The following EPHA3 variants were observed in gnomAD, a reference collection of about 807,000 sequenced individuals.
EPHA3 encodes the protein ephrin type-A receptor 3.
EPHA3 carries 42 observed loss-of-function variants against 107.1 expected under a neutral mutation model. The ratio of observed to expected loss-of-function variants is 0.39; its 90% CI spans 0.31 to 0.51. The LOEUF (loss-of-function observed/expected upper bound fraction) is 0.51. Among genes scored for constraint, EPHA3 ranks in the 20% least tolerant of loss-of-function variants. EPHA3 has a pLI of 0.78. For missense variants in EPHA3, 1,183 were observed against 1,211.2 expected, an observed-to-expected ratio of 0.98 and a Z score of 0.35; for synonymous variants, 461 against 424.8, an observed-to-expected ratio of 1.09 and a Z score of -1.05.
Position 89,341,699 on chromosome 3 carries a change from C to T in EPHA3, c.971-56C>T, listed in dbSNP as rs184925715. The stretch of plus-strand genomic sequence containing the variant: ...AGTTCCATTGTAAATTATCTATTTC[C>T]CTTGTAGTAGAAAACAGAAGTGAGG... On this transcript the variant is annotated intron_variant, in intron 4 of 16. Coordinates refer to ENST00000336596, the MANE Select transcript of EPHA3 (RefSeq NM_005233.6). The T allele has an allele frequency of 5.3e-4, 717 of 1,350,878 alleles. 2 individuals carry two copies. The East Asian group carries it at 8.0e-3, about 15-fold the overall frequency. The allele number at this position is 1,350,878 out of a possible 1,614,324, so 83.7% of individuals were successfully genotyped here. A position where few individuals can be genotyped will look rare whatever the true frequency, so the allele number is the denominator to read the frequency against.
intron 2 of EPHA3, among the ~76,000 whole-genome samples, chr3:89,157,153 A>C (rs1704826155): frequency 6.6e-6 from 1 of 152,104 alleles, no homozygotes; most frequent in Admixed American, 6.6e-5. Context: ...GAAAGAAGCC[A>C]GGATGCTATG....
intron 3 of EPHA3, among the ~76,000 whole-genome samples, chr3:89,242,484 C>G (rs562935870): frequency 2.6e-5 from 4 of 152,324 alleles, no homozygotes; most frequent in African/African-American, 9.6e-5. Context: ...GTCGCCCAGG[C>G]TGCAGTGCAG....
At chr3:89,113,016 G>C (rs1441233023) in intron 1 of EPHA3, among the ~76,000 whole-genome samples, 1 of 152,034 alleles carries the variant, frequency 6.6e-6, no homozygotes, top group Non-Finnish European at 1.5e-5. Flanking sequence ...CTCCTTTTGG[G>C]TTCTGTTTTC....
chr3:89,407,135 G>T lies in EPHA3; in HGVS notation c.1595-134G>T, dbSNP rs1424562659. 31 of 615,170 alleles carry T rather than the reference G, an allele frequency of 5.0e-5. 1 individual carries two copies. The highest frequency in any genetic ancestry group is 6.8e-5 in the Non-Finnish European group (24 of 351,614). The allele number at this position is 615,170 out of a possible 1,614,324, so 38.1% of individuals were successfully genotyped here. On this transcript the variant is annotated intron_variant, in intron 7 of 16. Coordinates refer to ENST00000336596, the MANE Select transcript of EPHA3 (RefSeq NM_005233.6). ...TTAAGTAAAGAATACTTTCAACATT[G>T]TATCAGACATTAAGCCATACTTCAG...
chr3:89,262,819 G>A (rs1705446991), intron 3 of EPHA3, among the ~76,000 whole-genome samples: 1 of 152,104 alleles, frequency 6.6e-6, no homozygotes, highest in African/African-American at 2.4e-5. Context: ...CCCACCGTGA[G>A]AGGGAGTGCG....
intron 10 of EPHA3, among the ~76,000 whole-genome samples, chr3:89,418,931 C>G (rs879829964): frequency 5.9e-5 from 9 of 151,446 alleles, no homozygotes; most frequent in Non-Finnish European, 1.0e-4. Context: ...CAACTTATCT[C>G]TCCTTTTACA....
chr3:89,371,662 G>A (rs1242650631), intron 5 of EPHA3, among the ~76,000 whole-genome samples: 6 of 151,430 alleles, frequency 4.0e-5, no homozygotes, highest in Admixed American at 1.3e-4. Flanking sequence ...TTAATGGGAA[G>A]AGTTTTGCTA....
chr3:89,130,697 C>G (rs1256553457), intron 2 of EPHA3, among the ~76,000 whole-genome samples: 1 of 150,878 alleles, frequency 6.6e-6, no homozygotes, highest in Non-Finnish European at 1.5e-5. Context: ...CGCTGTGGCG[C>G]GATCTCGGCT....
At chr3:89,228,021 G>A (rs762264408) in intron 3 of EPHA3, among the ~76,000 whole-genome samples, 2 of 151,940 alleles carry the variant, frequency 1.3e-5, no homozygotes, top group Admixed American at 6.6e-5. Flanking sequence ...CAGTCGTTTA[G>A]TTGGTAGTTC....
intron 3 of EPHA3, among the ~76,000 whole-genome samples, chr3:89,231,828 C>T (rs1463008403): frequency 6.6e-6 from 1 of 151,906 alleles, no homozygotes; most frequent in Non-Finnish European, 1.5e-5. Context: ...AATGATGACC[C>T]AAAGATCCAG....
rs1193772782 is a variant in EPHA3, at chr3:89,271,612, A to G, written c.814+61092A>G. 6.6e-5 allele frequency among the ~76,000 whole-genome samples: 10 copies of G among 151,860 alleles called. No homozygotes were observed. The East Asian group carries it at 1.5e-3, about 23-fold the overall frequency. On this transcript the variant is annotated intron_variant, in intron 3 of 16. Transcript: ENST00000336596. ...ACGTATACTGTTTTTACCTGCCTCT[A>G]TTTATCTCCATCCATACCGATAGCT... is the stretch of plus-strand genomic sequence containing the variant.
intron 3 of EPHA3, among the ~76,000 whole-genome samples, chr3:89,333,593 G>A (rs1049468101): frequency 2.6e-5 from 4 of 152,170 alleles, no homozygotes; most frequent in Admixed American, 2.0e-4. Flanking sequence ...CTAACTGCAG[G>A]CTGGGCAGGG....
intron 16 of EPHA3, among the ~76,000 whole-genome samples, chr3:89,478,431 A>T (rs1710559940): frequency 6.6e-6 from 1 of 152,162 alleles, no homozygotes; most frequent in Non-Finnish European, 1.5e-5. Flanking sequence ...TCTGAGGTTG[A>T]TGTTGACAGA....
chr3:89,131,607 A>C (rs1393474937), intron 2 of EPHA3, among the ~76,000 whole-genome samples: 5 of 152,230 alleles, frequency 3.3e-5, no homozygotes, highest in Admixed American at 2.0e-4. Flanking sequence ...ACTAGTACAA[A>C]GAAATCATGA....
intron 15 of EPHA3, among the ~76,000 whole-genome samples, chr3:89,471,449 A>G (rs1710399738): frequency 6.6e-6 from 1 of 152,022 alleles, no homozygotes; most frequent in African/African-American, 2.4e-5. Context: ...GCTCACCGCA[A>G]CCTTCGCCTC....
intron 3 of EPHA3, among the ~76,000 whole-genome samples, chr3:89,283,354 C>T (rs902538234): frequency 6.6e-6 from 1 of 151,800 alleles, no homozygotes; most frequent in Admixed American, 6.6e-5. Context: ...CTGGTGGGGG[C>T]TGGTGAGGGA....
chr3:89,351,387 C>T (rs1367572125), intron 5 of EPHA3, among the ~76,000 whole-genome samples: 30 of 149,380 alleles, frequency 2.0e-4, no homozygotes, highest in East Asian at 4.0e-4. Flanking sequence ...TTTCCAGGTG[C>T]GTCCGTCACC....
At chr3:89,214,278 TGGG>T (rs1704174329) in intron 3 of EPHA3, among the ~76,000 whole-genome samples, 1 of 151,986 alleles carries the variant, frequency 6.6e-6, no homozygotes, top group Non-Finnish European at 1.5e-5. Context: ...ACAAAAGGGA[TGGG>T]CTTCAAAATG....
chr3:89,242,521 T>C (rs1287180365), intron 3 of EPHA3, among the ~76,000 whole-genome samples: 3 of 152,172 alleles, frequency 2.0e-5, no homozygotes, highest in African/African-American at 4.8e-5. Flanking sequence ...CACTGCAAGC[T>C]CCGCCTCCCG....
Sources: gnomAD v4.1 joint callset for allele counts (sites outside exome capture counted in the v4.1 genomes callset) on GRCh38, gnomAD v4.1.1 for gene constraint, MANE v1.5 for transcripts, NCBI Gene and HGNC (gene_info 2026-07-23, HGNC 2026-07-21) for gene names.